The following WDR73 variants were observed in gnomAD, a reference collection of about 807,000 sequenced individuals.
WDR73 encodes WD repeat domain 73.
A neutral mutation model predicts 38.2 loss-of-function variants in WDR73; 30 were observed. The observed-to-expected ratio is 0.79, with a 90% CI of 0.59 to 1.06. The LOEUF (loss-of-function observed/expected upper bound fraction) is 1.06. Ranked by LOEUF, WDR73 falls within the 50% of genes least tolerant of loss-of-function variation. The pLI is 0.00. For synonymous variants in WDR73, 197 were observed against 176.0 expected (o/e 1.12, Z -0.94); for missense variants, 487 against 467.0 (o/e 1.04, Z -0.40).
In WDR73 at chr15:84,645,118, T is replaced by G. The variant is rs188605052; in HGVS notation, c.883+353A>C. The G allele has an allele frequency of 1.0e-5, 10 of 971,774 alleles. No homozygotes were observed. In the African/African-American group the frequency reaches 1.4e-4, roughly 13 times the overall value. The allele number at this position is 971,774 out of a possible 1,614,324, so 60.2% of individuals were successfully genotyped here. A position where few individuals can be genotyped will look rare whatever the true frequency, so the allele number is the denominator to read the frequency against. On this transcript the variant is annotated intron_variant, in intron 7 of 7. Coordinates refer to ENST00000434634, the MANE Select transcript of WDR73 (RefSeq NM_032856.5). The stretch of plus-strand genomic sequence containing the variant: ...GGCGCCTGCCACCATGCCTGGCTAA[T>G]TTTTTGTATTTTTAGTAGGGACGGG...
At position 84,653,769 on chromosome 15, in the gene WDR73, C is replaced by T. The variant is rs1512190; in HGVS notation, c.42-70G>A. Reference sequence around the variant, plus strand: ...AGCTCAAAGAACTCCAAGATGGCAGCCGCATGGTTCAGTGGCCCAAACTCT... The same window carrying T: ...AGCTCAAAGAACTCCAAGATGGCAGTCGCATGGTTCAGTGGCCCAAACTCT... On this transcript the variant is annotated intron_variant, in intron 1 of 7. Transcript: ENST00000434634. The T allele has an allele frequency of 1.7e-3, 2,182 of 1,273,200 alleles. 8 individuals carry two copies. The African/African-American group carries it at 0.024, about 14-fold the overall frequency. 78.9% of individuals were successfully genotyped at this position (1,273,200 alleles called of 1,614,324 possible).
chr15:84,650,804 TTCC>T lies in WDR73; in HGVS notation c.198+1907_198+1909del, dbSNP rs57680955. Among the ~76,000 whole-genome samples, 1,407 of 152,262 alleles carry T rather than the reference TTCC, an allele frequency of 9.2e-3. 25 individuals are homozygous for T. Among genetic ancestry groups the T allele is most frequent in the African/African-American group, 0.032 (1,349 of 41,560 alleles). On this transcript the variant is annotated intron_variant, in intron 3 of 7. Coordinates refer to ENST00000434634, the MANE Select transcript of WDR73 (RefSeq NM_032856.5). The stretch of plus-strand genomic sequence containing the variant: ...GCATGAGTCACCGCACTCGGATTGT[TTCC>T]TATTTCATTAAATAATTTAAAACAA...
chr15:84,648,638 G>T lies in WDR73; in HGVS notation c.199-13C>A, dbSNP rs1017207560. ...CTGGGAATAAGCCCTAAAATACAAA[G>T]GAGTAGCCAATCAGAGCCAGCTCTT... On this transcript the variant is annotated splice_polypyrimidine_tract_variant and intron_variant, in intron 3 of 7. Transcript: ENST00000434634. The T allele has an allele frequency of 4.4e-6, 7 of 1,600,416 alleles. No individual in the cohort carries two copies. Among genetic ancestry groups the T allele is most frequent in the Non-Finnish European group, 6.0e-6 (7 of 1,167,694 alleles).
At position 84,641,994 on chromosome 15, in the gene WDR73, T is replaced by C. The variant is rs78784443; in HGVS notation, c.*1476A>G. The stretch of plus-strand genomic sequence containing the variant: ...GGGATTACAGACATGAGCCACATGC[T>C]TGACCTGAATTTTAACTGCAGTTAA... On this transcript the variant is annotated 3_prime_UTR_variant, in exon 8 of 8. Coordinates refer to ENST00000434634, the MANE Select transcript of WDR73 (RefSeq NM_032856.5). The C allele has an allele frequency of 0.014, 2,161 of 152,060 alleles. 19 individuals are homozygous for C. Among genetic ancestry groups the C allele is most frequent in the Non-Finnish European group, 0.022 (1,470 of 67,962 alleles). 9.4% of individuals were successfully genotyped at this position (152,060 alleles called of 1,614,324 possible).
At chr15:84,653,849 G>A (rs1473113697) in intron 1 of WDR73, 150 bp from the exon 2 acceptor site, 5 of 688,658 alleles carry the variant, frequency 7.3e-6, no homozygotes, top group South Asian at 1.7e-5. Flanking sequence ...CCTGTTTCTG[G>A]GACCAGGCCA....
rs1366882269 is a variant in WDR73, at chr15:84,648,066, T to C, written c.288-112A>G. 1.2e-5 allele frequency: 11 copies of C among 927,492 alleles called. No homozygotes were observed. In the East Asian group the frequency reaches 2.5e-4, roughly 21 times the overall value. 57.5% of individuals were successfully genotyped at this position (927,492 alleles called of 1,614,324 possible). On this transcript the variant is annotated intron_variant, in intron 4 of 7. Transcript: ENST00000434634. The stretch of plus-strand genomic sequence containing the variant: ...CTCCACTTCCCATATCAGGACATCT[T>C]ACTGCAAGATCATCAAGGCCAACCA...
chr15:84,648,643 A>G lies in WDR73; in HGVS notation c.199-18T>C. The G allele has an allele frequency of 6.4e-7, 1 of 1,553,166 alleles. No individual in the cohort carries two copies. The highest frequency in any genetic ancestry group is 8.9e-7 in the Non-Finnish European group (1 of 1,124,734). ...AATAAGCCCTAAAATACAAAGGAGT[A>G]GCCAATCAGAGCCAGCTCTTCAAAT... On this transcript the variant is annotated intron_variant, in intron 3 of 7. Transcript: ENST00000434634.
At chr15:84,653,906 G>C in intron 1 of WDR73, 1 of 607,150 alleles carries the variant, frequency 1.6e-6, no homozygotes, top group Non-Finnish European at 2.9e-6. Flanking sequence ...GGACGTCCCA[G>C]GGTACCCAGA....
Position 84,653,617 on chromosome 15 carries a change from A to G in WDR73, c.109+15T>C, listed in dbSNP as rs1173393689. 1.3e-6 allele frequency: 2 copies of G among 1,575,114 alleles called. No homozygotes were observed. Among genetic ancestry groups the G allele is most frequent in the Admixed American group, 3.7e-5 (2 of 54,684 alleles). Reference sequence around the variant, plus strand: ...GTGAGATTCCCTCTCCTTCAGGGCTAGAAAGGTATACCACCTTTGTCATCA... The same window carrying G: ...GTGAGATTCCCTCTCCTTCAGGGCTGGAAAGGTATACCACCTTTGTCATCA... On this transcript the variant is annotated intron_variant, in intron 2 of 7. Coordinates refer to ENST00000434634, the MANE Select transcript of WDR73 (RefSeq NM_032856.5).
intron 3 of WDR73, among the ~76,000 whole-genome samples, chr15:84,649,233 A>T (rs1458222983): frequency 6.6e-6 from 1 of 152,210 alleles, no homozygotes; most frequent in Non-Finnish European, 1.5e-5. Context: ...GTTAGCCACT[A>T]GGCTCTACTA....
chr15:84,652,565 T>C (rs1896657325), intron 3 of WDR73, 149 bp downstream of exon 3: 3 of 504,322 alleles, frequency 5.9e-6, no homozygotes, highest in African/African-American at 2.0e-5. Flanking sequence ...TCTGTGCATA[T>C]GTGCCTCCCT....
intron 6 of WDR73, 155 bp downstream of exon 6, chr15:84,646,026 CCAG>C (rs1313808833): frequency 6.5e-7 from 1 of 1,542,596 alleles, no homozygotes; most frequent in Non-Finnish European, 8.7e-7. Context: ...TAATCCTGCC[CCAG>C]CATAGGAGCC....
chr15:84,648,453 G>T, intron 4 of WDR73, 84 bp downstream of exon 4: 1 of 929,774 alleles, frequency 1.1e-6, no homozygotes, highest in Non-Finnish European at 1.8e-6. Flanking sequence ...TGGGAATGGA[G>T]ATGAGGAGGC....
intron 7 of WDR73, chr15:84,645,256 G>A: frequency 6.9e-7 from 1 of 1,452,670 alleles, no homozygotes; most frequent in Non-Finnish European, 9.1e-7. Flanking sequence ...ATTCCTGCTA[G>A]GCTAGGAAAG....
rs554600537 is a variant in WDR73 at position 84,646,352 on chromosome 15, G to C, written c.353-4C>G. The C allele has an allele frequency of 6.9e-6, 11 of 1,602,344 alleles. No individual in the cohort carries two copies. In the African/African-American group the frequency reaches 1.3e-4, roughly 20 times the overall value. ...GTGCTGACAGCTTTAATGACATCTAGGGGAAAACGAAGAGGCCAAAATCCA... is the reference window on the plus strand; with the variant it reads ...GTGCTGACAGCTTTAATGACATCTACGGGAAAACGAAGAGGCCAAAATCCA... On this transcript the variant is annotated splice_polypyrimidine_tract_variant and splice_region_variant and intron_variant, in intron 5 of 7. Transcript: ENST00000434634.
Position 84,643,312 on chromosome 15 carries a change from T to G in WDR73, c.*158A>C. 1 of 841,390 alleles carries G rather than the reference T, an allele frequency of 1.2e-6. No homozygotes were observed. Among genetic ancestry groups the G allele is most frequent in the Non-Finnish European group, 1.8e-6 (1 of 553,966 alleles). The allele number at this position is 841,390 out of a possible 1,614,324, so 52.1% of individuals were successfully genotyped here. On this transcript the variant is annotated 3_prime_UTR_variant, in exon 8 of 8. Coordinates refer to ENST00000434634, the MANE Select transcript of WDR73 (RefSeq NM_032856.5). ...GAGGTAGTTCTTACTATCCTCATTT[T>G]ACAGATAAGGAAACTGAGGCTAAGT...
Position 84,653,640 on chromosome 15 carries a change from TC to T in WDR73, c.100del (p.Asp34MetfsTer13). On this transcript the variant is annotated frameshift_variant, in exon 2 of 8. Coordinates refer to ENST00000434634, the MANE Select transcript of WDR73 (RefSeq NM_032856.5). LOFTEE classifies it high-confidence loss of function. ...CTAGAAAGGTATACCACCTTTGTCA[TC>T]AATCCATTCAAGGACTCGAGTGGCT... ...SGATRVLEWI[D>X]DKGVFVAGYE... 6.3e-7 allele frequency: 1 copy of T among 1,590,568 alleles called. No individual in the cohort carries two copies. The highest frequency in any genetic ancestry group is 8.6e-7 in the Non-Finnish European group (1 of 1,167,906).
chr15:84,645,190 G>T (rs1157971153), intron 7 of WDR73: 14 of 1,289,198 alleles, frequency 1.1e-5, no homozygotes, highest in African/African-American at 1.5e-5. Flanking sequence ...GACCCAGCCC[G>T]ATGTCTGTCC....
In WDR73 at chr15:84,642,449, C is replaced by G. The variant is rs1326339748; in HGVS notation, c.*1021G>C. On this transcript the variant is annotated 3_prime_UTR_variant, in exon 8 of 8. Transcript: ENST00000434634. ...CATGGGAAGGGCTAATAGATGCTGA[C>G]AGAGTGAACAACTTATCTATTTTGT... The G allele has an allele frequency of 6.6e-6, 1 of 151,940 alleles. No individual in the cohort carries two copies. The highest frequency in any genetic ancestry group is 1.5e-5 in the Non-Finnish European group (1 of 68,028). The allele number at this position is 151,940 out of a possible 1,614,324, so 9.4% of individuals were successfully genotyped here. A position where few individuals can be genotyped will look rare whatever the true frequency, so the allele number is the denominator to read the frequency against.
Sources: gnomAD v4.1 joint callset for allele counts (sites outside exome capture counted in the v4.1 genomes callset) on GRCh38, gnomAD v4.1.1 for gene constraint, MANE v1.5 for transcripts, NCBI Gene and HGNC (gene_info 2026-07-23, HGNC 2026-07-21) for gene names.